The following AK7 variants were observed in gnomAD, a reference collection of about 807,000 sequenced individuals.
The protein encoded by AK7 is adenylate kinase 7.
In AK7, 78 loss-of-function variants were observed where a neutral mutation model predicts 96.6. The ratio of observed to expected loss-of-function variants is 0.81; its 90% CI spans 0.67 to 0.97. The LOEUF is 0.97. Ranked by LOEUF, AK7 falls within the 50% of genes least tolerant of loss-of-function variation. AK7 has a pLI of 0.00. For synonymous variants in AK7, 302 were observed against 317.2 expected (o/e 0.95, Z 0.51); for missense variants, 855 against 887.9 (o/e 0.96, Z 0.47).
rs1411941462 is a variant in AK7, at chr14:96,456,487, A to G, written c.1227+12A>G. ...CCATAGCAAAACTGGTAACACTTTA[A>G]ACTATTTTCCTGGGCATTTTAATTA... On this transcript the variant is annotated intron_variant, in intron 11 of 17. Coordinates refer to ENST00000267584, the MANE Select transcript of AK7 (RefSeq NM_152327.5). The G allele has an allele frequency of 1.9e-6, 3 of 1,611,810 alleles. No individual in the cohort carries two copies. The highest frequency in any genetic ancestry group is 2.7e-5 in the African/African-American group (2 of 74,836).
chr14:96,447,080 T>G (rs536187992), intron 8 of AK7, among the ~76,000 whole-genome samples: 148 of 152,346 alleles, frequency 9.7e-4, no homozygotes, highest in African/African-American at 3.3e-3. Flanking sequence ...GTATATACTT[T>G]GAGGTTACTA....
At chr14:96,485,859 G>A (rs1213425248) in intron 16 of AK7, among the ~76,000 whole-genome samples, 1 of 145,862 alleles carries the variant, frequency 6.9e-6, no homozygotes, top group Non-Finnish European at 1.5e-5. Flanking sequence ...GCAGTGTTAC[G>A]ATCTCGGCTC....
rs764796300 is a variant in AK7 at position 96,483,182 on chromosome 14, T to A, written c.1937T>A (p.Val646Glu). 1 of 1,611,604 alleles carries A rather than the reference T, an allele frequency of 6.2e-7. No homozygotes were observed. Among genetic ancestry groups the A allele is most frequent in the African/African-American group, 1.3e-5 (1 of 74,952 alleles). Residue 646 changes from valine to glutamate, a missense_variant, in exon 16 of 18, where the codon GTG becomes GAG. Coordinates refer to ENST00000267584, the MANE Select transcript of AK7 (RefSeq NM_152327.5). ...EEAEREHQEA[V>E]EMAEKIARWE... is the part of the protein sequence containing the mutation. ...GCAGAACGCGAGCACCAGGAGGCCGTGGAGATGGCAGAGAAGATAGCTCGC... is the reference window on the plus strand; with the variant it reads ...GCAGAACGCGAGCACCAGGAGGCCGAGGAGATGGCAGAGAAGATAGCTCGC...
chr14:96,472,221 A>T (rs1566808009), intron 13 of AK7, among the ~76,000 whole-genome samples: 1 of 152,180 alleles, frequency 6.6e-6, no homozygotes, highest in East Asian at 1.9e-4. Flanking sequence ...ACAGTGATAT[A>T]TACAATCATA....
At chr14:96,445,320 A>G (rs930637925) in intron 7 of AK7, among the ~76,000 whole-genome samples, 3 of 152,244 alleles carry the variant, frequency 2.0e-5, no homozygotes, top group African/African-American at 7.2e-5. Flanking sequence ...AGATTGTCAA[A>G]TATTTAACAG....
At chr14:96,415,759 A>C (rs144577611) in intron 4 of AK7, among the ~76,000 whole-genome samples, 78 of 145,544 alleles carry the variant, frequency 5.4e-4, no homozygotes, top group Admixed American at 9.6e-4. Context: ...AATTAATTTA[A>C]TACATTAATT....
chr14:96,480,451 A>G (rs2140174018), intron 15 of AK7, among the ~76,000 whole-genome samples: 1 of 152,154 alleles, frequency 6.6e-6, no homozygotes, highest in Admixed American at 6.5e-5. Context: ...AAGAAATACA[A>G]AAACAATTTA....
chr14:96,430,131 C>T (rs78961530), intron 5 of AK7, among the ~76,000 whole-genome samples: 8 of 151,132 alleles, frequency 5.3e-5, no homozygotes, highest in Non-Finnish European at 8.8e-5. Context: ...TTTTGAGATA[C>T]GTTCCATCAA....
At chr14:96,430,733 C>G (rs536266243) in intron 5 of AK7, among the ~76,000 whole-genome samples, 1 of 152,242 alleles carries the variant, frequency 6.6e-6, no homozygotes, top group African/African-American at 2.4e-5. Flanking sequence ...CTAAAATTCT[C>G]TTGTTTTTGT....
intron 4 of AK7, among the ~76,000 whole-genome samples, chr14:96,416,635 A>C (rs545723255): frequency 6.6e-6 from 1 of 152,204 alleles, no homozygotes; most frequent in African/African-American, 2.4e-5. Context: ...ACCCCTGCTA[A>C]AGGAAAGGTC....
intron 4 of AK7, among the ~76,000 whole-genome samples, chr14:96,417,829 C>T (rs1253670172): frequency 1.3e-5 from 2 of 152,060 alleles, no homozygotes; most frequent in Non-Finnish European, 2.9e-5. Flanking sequence ...TCACAGGTAC[C>T]TCCAGAATCT....
chr14:96,423,877 C>T, intron 5 of AK7: 3 of 912,540 alleles, frequency 3.3e-6, no homozygotes, highest in East Asian at 2.5e-5. Flanking sequence ...GCGGCCTGTG[C>T]CTTGGGAGAC....
chr14:96,420,184 A>G (rs1462289132), intron 4 of AK7, among the ~76,000 whole-genome samples: 1 of 151,360 alleles, frequency 6.6e-6, no homozygotes, highest in African/African-American at 2.4e-5. Context: ...CATTTTTAAG[A>G]AGAGTAAATC....
At chr14:96,454,960 T>A (rs1410791379) in intron 10 of AK7, among the ~76,000 whole-genome samples, 1 of 151,426 alleles carries the variant, frequency 6.6e-6, no homozygotes, top group Non-Finnish European at 1.5e-5. Context: ...AGGTCAGGAG[T>A]TCGAGACCAG....
chr14:96,464,453 A>G (rs1466187943), intron 12 of AK7, among the ~76,000 whole-genome samples: 7 of 150,038 alleles, frequency 4.7e-5, no homozygotes, highest in Non-Finnish European at 1.0e-4. Flanking sequence ...TGGCGGGGAC[A>G]CAGGAGGATG....
At chr14:96,393,535 A>G (rs1889876834) in intron 1 of AK7, among the ~76,000 whole-genome samples, 1 of 152,186 alleles carries the variant, frequency 6.6e-6, no homozygotes, top group South Asian at 2.1e-4. Flanking sequence ...AGCTTCTGGT[A>G]GTTGCCAATA....
At chr14:96,407,902 A>G (rs1479869972) in intron 3 of AK7, among the ~76,000 whole-genome samples, 2 of 152,088 alleles carry the variant, frequency 1.3e-5, no homozygotes, top group African/African-American at 2.4e-5. Flanking sequence ...AAAATTATAC[A>G]TCATGAAGAA....
chr14:96,451,054 A>T (rs540928847), intron 9 of AK7, among the ~76,000 whole-genome samples: 1 of 152,130 alleles, frequency 6.6e-6, no homozygotes, highest in Non-Finnish European at 1.5e-5. Context: ...GATTACAGGC[A>T]TGAGCCACGG....
intron 8 of AK7, 93 bp from the exon 9 acceptor site, chr14:96,449,709 C>T (rs1272986601): frequency 7.9e-6 from 7 of 887,362 alleles, no homozygotes; most frequent in Admixed American, 2.2e-5. Context: ...GCTGGGATTA[C>T]AGGCGTGAGC....
Sources: allele counts gnomAD v4.1 joint callset (sites outside exome capture counted in the v4.1 genomes callset), GRCh38; gene constraint gnomAD v4.1.1; transcripts MANE v1.5; gene names NCBI Gene and HGNC (gene_info 2026-07-23, HGNC 2026-07-21).